CFAP77: variants seen among roughly 807,000 people sequenced by gnomAD.
CFAP77 encodes the protein cilia and flagella associated protein 77.
In CFAP77, 25 loss-of-function variants were observed where a neutral mutation model predicts 31.1. The observed-to-expected ratio is 0.80, with a 90% CI of 0.59 to 1.12. The LOEUF (loss-of-function observed/expected upper bound fraction) is 1.12, where lower values mean the gene tolerates loss of function less well. CFAP77 is among the 50% of genes most tolerant of loss of function. The pLI is 0.00. For synonymous variants in CFAP77, 151 were observed against 159.9 expected, an observed-to-expected ratio of 0.94 and a Z score of 0.42; for missense variants, 377 against 397.3, an observed-to-expected ratio of 0.95 and a Z score of 0.44.
chr9:132,477,540 CA>C (rs113389104), intron 1 of CFAP77, among the ~76,000 whole-genome samples: 5 of 152,276 alleles, frequency 3.3e-5, no homozygotes, highest in African/African-American at 1.2e-4. Flanking sequence ...CAGGAAGGGT[CA>C]GGGGTCAGCA....
chr9:132,426,646 C>G (rs1050069279), intron 1 of CFAP77, among the ~76,000 whole-genome samples: 1 of 152,190 alleles, frequency 6.6e-6, no homozygotes. Flanking sequence ...AAAGCAGCAA[C>G]GGAACCTGAG....
At chr9:132,492,507 C>CT (rs1209979566) in intron 1 of CFAP77, among the ~76,000 whole-genome samples, 2 of 152,196 alleles carry the variant, frequency 1.3e-5, no homozygotes, top group Admixed American at 6.5e-5. Context: ...GCCATCTATG[C>CT]TAAATGCCAG....
chr9:132,506,637 A>T lies in CFAP77; in HGVS notation c.524+7037A>T, dbSNP rs1318231851. 1.3e-5 allele frequency among the ~76,000 whole-genome samples: 2 copies of T among 152,026 alleles called. 1 individual carries two copies. The highest frequency in any genetic ancestry group is 4.8e-5 in the African/African-American group (2 of 41,384). ...CGCATCAGTGTCTCACATGGGCCAG[A>T]TGGAAGGTGGGAAGACCCTACTTTG... On this transcript the variant is annotated intron_variant, in intron 3 of 5. Transcript: ENST00000393216.
In CFAP77 at chr9:132,498,494, G is replaced by A. The variant is rs1360942122; in HGVS notation, c.196-201G>A. 2.0e-5 allele frequency among the ~76,000 whole-genome samples: 3 copies of A among 152,064 alleles called. No homozygotes were observed. The highest frequency in any genetic ancestry group is 4.4e-5 in the Non-Finnish European group (3 of 68,012). On this transcript the variant is annotated intron_variant, in intron 1 of 5. Transcript: ENST00000393216. This position sits in a 1 kb window ranked among gnomAD's most constrained non-coding sequence, Gnocchi z 4.2. ...GCCTTCAGCACAGACACACAGACCCGCTTCTGCTGTGTGACCCTGTGCCAG... is the reference window on the plus strand; with the variant it reads ...GCCTTCAGCACAGACACACAGACCCACTTCTGCTGTGTGACCCTGTGCCAG...
At chr9:132,556,566 ACT>A (rs771316684) in intron 5 of CFAP77, among the ~76,000 whole-genome samples, 6 of 150,704 alleles carry the variant, frequency 4.0e-5, no homozygotes, top group Non-Finnish European at 5.9e-5. Flanking sequence ...ACACACACAC[ACT>A]CTCTCCCACC....
intron 5 of CFAP77, among the ~76,000 whole-genome samples, chr9:132,569,403 T>C (rs1394156721): frequency 5.9e-5 from 9 of 151,700 alleles, no homozygotes; most frequent in Non-Finnish European, 1.3e-4. Flanking sequence ...GAGAACCTGA[T>C]GGGGGCGGAG....
intron 1 of CFAP77, among the ~76,000 whole-genome samples, chr9:132,489,047 G>A (rs1851612336): frequency 6.6e-6 from 1 of 152,116 alleles, no homozygotes; most frequent in African/African-American, 2.4e-5. Context: ...AGGGAGGGGT[G>A]GTCAGACTCG....
At chr9:132,448,188 C>A (rs1315259290) in intron 1 of CFAP77, among the ~76,000 whole-genome samples, 1 of 152,114 alleles carries the variant, frequency 6.6e-6, no homozygotes, top group Non-Finnish European at 1.5e-5. Flanking sequence ...CACACACACA[C>A]ACGCACACAT....
intron 1 of CFAP77, among the ~76,000 whole-genome samples, chr9:132,488,331 A>AGC (rs1158212513): frequency 6.6e-6 from 1 of 152,204 alleles, no homozygotes; most frequent in Non-Finnish European, 1.5e-5. Flanking sequence ...GATCCAGTTC[A>AGC]AGGCTATCTC....
intron 5 of CFAP77, among the ~76,000 whole-genome samples, chr9:132,547,553 C>T (rs72767823): frequency 0.055 from 8,367 of 152,278 alleles, 299 homozygotes; most frequent in Non-Finnish European, 0.085. Context: ...GGCGAACAGG[C>T]CAGACTCGGG....
chr9:132,505,591 AG>A (rs1460974239), intron 3 of CFAP77, among the ~76,000 whole-genome samples: 7 of 151,766 alleles, frequency 4.6e-5, no homozygotes, highest in East Asian at 3.9e-4. Flanking sequence ...CAGTAATTAA[AG>A]GAAAAAAAAA....
chr9:132,477,043 C>T (rs1312376569), intron 1 of CFAP77, among the ~76,000 whole-genome samples: 5 of 152,152 alleles, frequency 3.3e-5, no homozygotes, highest in East Asian at 1.9e-4. Flanking sequence ...TTGGGGCTGC[C>T]GGAGCTGCAA....
chr9:132,522,912 C>T (rs149007392), intron 3 of CFAP77, among the ~76,000 whole-genome samples: 1 of 152,354 alleles, frequency 6.6e-6, no homozygotes, highest in Non-Finnish European at 1.5e-5. Flanking sequence ...GCCACGCGGC[C>T]TCAGCCAACT....
intron 1 of CFAP77, among the ~76,000 whole-genome samples, chr9:132,433,266 A>C (rs550005864): frequency 2.8e-4 from 42 of 152,324 alleles, no homozygotes; most frequent in African/African-American, 9.6e-4. Context: ...CTCAATGGTA[A>C]GGGCCTGAGA....
intron 3 of CFAP77, among the ~76,000 whole-genome samples, chr9:132,534,037 G>T (rs1852503256): frequency 6.6e-6 from 1 of 152,108 alleles, no homozygotes; most frequent in African/African-American, 2.4e-5. Flanking sequence ...GTATCTATTT[G>T]TCACTGTCAG....
At chr9:132,469,142 C>T (rs891132492) in intron 1 of CFAP77, among the ~76,000 whole-genome samples, 1 of 152,088 alleles carries the variant, frequency 6.6e-6, no homozygotes, top group Admixed American at 6.5e-5. Context: ...CCAGCACTTG[C>T]CAGGGTAGAA....
intron 1 of CFAP77, among the ~76,000 whole-genome samples, chr9:132,451,841 G>T: frequency 6.9e-6 from 1 of 145,276 alleles, no homozygotes. Flanking sequence ...GTCTCACTCT[G>T]TCGCCTAGGC....
At chr9:132,571,794 A>G (rs1829962505) in intron 5 of CFAP77, among the ~76,000 whole-genome samples, 1 of 151,848 alleles carries the variant, frequency 6.6e-6, no homozygotes, top group South Asian at 2.1e-4. Flanking sequence ...ACCCACCACC[A>G]TTTCTTGAGA....
At chr9:132,463,092 C>A (rs1424837363) in intron 1 of CFAP77, among the ~76,000 whole-genome samples, 1 of 151,988 alleles carries the variant, frequency 6.6e-6, no homozygotes, top group East Asian at 1.9e-4. Context: ...AGTATATAAG[C>A]CAAATAGAGG....
Sources: allele counts gnomAD v4.1 joint callset (sites outside exome capture counted in the v4.1 genomes callset), GRCh38; gene constraint gnomAD v4.1.1; non-coding constraint Gnocchi (gnomAD v3.1); transcripts MANE v1.5; gene names NCBI Gene and HGNC (gene_info 2026-07-23, HGNC 2026-07-21).